Variants in RORA observed in about 807,000 individuals in gnomAD.
RORA encodes the protein nuclear receptor ROR-alpha.
RORA carries 7 observed loss-of-function variants against 69.5 expected under a neutral mutation model. That is an observed-to-expected ratio of 0.10 (90% confidence interval 0.06 to 0.19). The LOEUF (loss-of-function observed/expected upper bound fraction) is 0.19, where lower values mean the gene tolerates loss of function less well. Ranked by LOEUF, RORA falls within the 10% of genes least tolerant of loss-of-function variation. The pLI, the probability that RORA is intolerant of heterozygous loss-of-function variation, is 1.00. For synonymous variants in RORA, 261 were observed against 240.8 expected, an observed-to-expected ratio of 1.08 and a Z score of -0.78; for missense variants, 457 against 663.0, an observed-to-expected ratio of 0.69 and a Z score of 3.41.
intron 1 of RORA, among the ~76,000 whole-genome samples, chr15:61,228,070 T>A (rs934235116): frequency 8.5e-6 from 1 of 117,648 alleles, no homozygotes; most frequent in East Asian, 2.7e-4. Context: ...AAATGAAGAG[T>A]AAAAATCGCC....
At chr15:60,556,759 C>T (rs960456549) in intron 2 of RORA, 46 of 892,178 alleles carry the variant, frequency 5.2e-5, no homozygotes, top group African/African-American at 4.7e-4. Context: ...TCTGGTTCTG[C>T]GGGAGGCTCC....
intron 2 of RORA, among the ~76,000 whole-genome samples, chr15:60,546,779 C>A (rs1345068583): frequency 6.6e-6 from 1 of 152,138 alleles, no homozygotes; most frequent in Admixed American, 6.5e-5. Context: ...AAGCACCAAG[C>A]GGCCTCATGA....
chr15:60,772,719 A>T (rs1567185337), intron 1 of RORA, among the ~76,000 whole-genome samples: 1 of 152,148 alleles, frequency 6.6e-6, no homozygotes, highest in Non-Finnish European at 1.5e-5. Flanking sequence ...GGTGAGCCAC[A>T]CGTAGGGGGC....
intron 1 of RORA, among the ~76,000 whole-genome samples, chr15:60,702,120 G>T (rs1428419963): frequency 6.6e-6 from 1 of 152,176 alleles, no homozygotes; most frequent in Non-Finnish European, 1.5e-5. Context: ...GCTTACCAGC[G>T]GTGGAACATT....
At chr15:60,986,137 C>T (rs537340072) in intron 1 of RORA, among the ~76,000 whole-genome samples, 2 of 149,094 alleles carry the variant, frequency 1.3e-5, no homozygotes, top group East Asian at 4.0e-4. Context: ...CTGATTTCTT[C>T]TTTTTTTTTT....
chr15:60,968,975 T>G (rs902303519), intron 1 of RORA, among the ~76,000 whole-genome samples: 7 of 152,204 alleles, frequency 4.6e-5, no homozygotes, highest in Non-Finnish European at 8.8e-5. Flanking sequence ...CTTAACACTT[T>G]TGAAGATTAC....
At chr15:60,761,288 G>A (rs1416114076) in intron 1 of RORA, among the ~76,000 whole-genome samples, 5 of 152,214 alleles carry the variant, frequency 3.3e-5, no homozygotes, top group African/African-American at 9.6e-5. Context: ...CATCACAGAT[G>A]TATTATCAAT....
chr15:61,224,583 C>T (rs896311241), intron 1 of RORA, among the ~76,000 whole-genome samples: 51 of 152,240 alleles, frequency 3.3e-4, no homozygotes, highest in Admixed American at 6.5e-4. Context: ...GTACCGCAAG[C>T]TCCTAAACAC....
intron 6 of RORA, among the ~76,000 whole-genome samples, chr15:60,504,849 C>T (rs1016553341): frequency 9.2e-5 from 14 of 152,082 alleles, no homozygotes; most frequent in East Asian, 3.8e-4. Flanking sequence ...CTGTTCCCAC[C>T]GATATGATGG....
At chr15:60,954,006 G>A (rs921502423) in intron 1 of RORA, among the ~76,000 whole-genome samples, 6 of 151,600 alleles carry the variant, frequency 4.0e-5, no homozygotes, top group East Asian at 3.9e-4. Flanking sequence ...TGTTTATTGC[G>A]GCATTATTCA....
chr15:61,049,371 A>C (rs1897193124), intron 1 of RORA, among the ~76,000 whole-genome samples: 1 of 152,200 alleles, frequency 6.6e-6, no homozygotes, highest in Admixed American at 6.5e-5. Context: ...ATGAGGTGCC[A>C]AATTCTTTCG....
intron 1 of RORA, chr15:61,194,284 G>A (rs996780568): frequency 3.9e-5 from 6 of 152,188 alleles, no homozygotes; most frequent in African/African-American, 1.4e-4. Flanking sequence ...CACAGGCCGG[G>A]CGCGGTGGCT....
chr15:60,687,215 G>A (rs1157426275), intron 1 of RORA, among the ~76,000 whole-genome samples: 1 of 152,144 alleles, frequency 6.6e-6, no homozygotes, highest in Admixed American at 6.5e-5. Flanking sequence ...AAAGCCCTAG[G>A]ATCCAATGGG....
intron 2 of RORA, among the ~76,000 whole-genome samples, chr15:60,618,392 C>T (rs1036659984): frequency 2.0e-5 from 3 of 152,188 alleles, no homozygotes; most frequent in East Asian, 1.9e-4. Flanking sequence ...ATCCCATACA[C>T]GCACATCTTG....
At chr15:61,094,475 C>G (rs1566985863) in intron 1 of RORA, among the ~76,000 whole-genome samples, 1 of 152,188 alleles carries the variant, frequency 6.6e-6, no homozygotes, top group Non-Finnish European at 1.5e-5. Context: ...CAGCCCTGCT[C>G]CAGCCGTAGG....
chr15:60,902,446 A>T (rs954431324), intron 1 of RORA, among the ~76,000 whole-genome samples: 1 of 152,200 alleles, frequency 6.6e-6, no homozygotes, highest in South Asian at 2.1e-4. Context: ...GGAACTCTCC[A>T]TTTACACGTG....
At chr15:60,568,831 G>C (rs2067788865) in intron 2 of RORA, among the ~76,000 whole-genome samples, 1 of 151,996 alleles carries the variant, frequency 6.6e-6, no homozygotes, top group Non-Finnish European at 1.5e-5. Flanking sequence ...AAAAAGATTA[G>C]TTGCTTTGCA....
intron 1 of RORA, among the ~76,000 whole-genome samples, chr15:60,831,613 G>A (rs1437092628): frequency 6.6e-6 from 1 of 152,126 alleles, no homozygotes; most frequent in Non-Finnish European, 1.5e-5. Context: ...CCATGCATTT[G>A]TCCCCACCTC....
At chr15:60,685,367 T>C (rs1368630834) in intron 1 of RORA, among the ~76,000 whole-genome samples, 1 of 152,238 alleles carries the variant, frequency 6.6e-6, no homozygotes, top group African/African-American at 2.4e-5. Flanking sequence ...ACGCAGTGCA[T>C]GAACACTAGC....
Sources: gnomAD v4.1 joint callset for allele counts (sites outside exome capture counted in the v4.1 genomes callset) on GRCh38, gnomAD v4.1.1 for gene constraint, MANE v1.5 for transcripts, NCBI Gene and HGNC (gene_info 2026-07-23, HGNC 2026-07-21) for gene names.